The following CHCHD6 variants were observed in gnomAD, a reference collection of about 807,000 sequenced individuals.
The protein encoded by CHCHD6 is coiled-coil-helix-coiled-coil-helix domain containing 6.
A neutral mutation model predicts 32.3 loss-of-function variants in CHCHD6; 28 were observed. The ratio of observed to expected loss-of-function variants is 0.87; its 90% confidence interval spans 0.64 to 1.19. The LOEUF (loss-of-function observed/expected upper bound fraction) is 1.19, where lower values mean the gene tolerates loss of function less well. CHCHD6 is among the 50% of genes most tolerant of loss of function. CHCHD6 has a pLI of 0.00. For missense variants in CHCHD6, 333 were observed against 307.0 expected (o/e 1.08, Z -0.63); for synonymous variants, 122 against 117.5 (o/e 1.04, Z -0.25).
Position 126,728,474 on chromosome 3 carries a change from G to A in CHCHD6, c.196+1288G>A, listed in dbSNP as rs919178752. On this transcript the variant is annotated intron_variant, in intron 2 of 7. Transcript: ENST00000290913. ...CAGGAGCCAGTCAGCACCTGGATTT[G>A]GACCCACCCCAAGATCTTTCTGAAT... Among the ~76,000 whole-genome samples the A allele has an allele frequency of 2.0e-5, 3 of 152,258 alleles. 1 individual carries two copies.
chr3:126,941,610 C>T (rs910505476), intron 6 of CHCHD6, among the ~76,000 whole-genome samples: 2 of 152,082 alleles, frequency 1.3e-5, no homozygotes, highest in Non-Finnish European at 2.9e-5. Flanking sequence ...ATCAAATTGC[C>T]GTCACTGTTG....
intron 4 of CHCHD6, among the ~76,000 whole-genome samples, chr3:126,743,512 C>T (rs1005119108): frequency 1.3e-5 from 2 of 152,136 alleles, no homozygotes; most frequent in African/African-American, 4.8e-5. Context: ...TTCTAATTAG[C>T]AGATCGCATG....
intron 4 of CHCHD6, among the ~76,000 whole-genome samples, chr3:126,738,358 C>G (rs1041486269): frequency 1.3e-5 from 2 of 152,132 alleles, no homozygotes; most frequent in African/African-American, 4.8e-5. Flanking sequence ...GGAACCAATA[C>G]CCCGTGGCCG....
chr3:126,872,534 G>A (rs2077489807), intron 5 of CHCHD6, among the ~76,000 whole-genome samples: 1 of 152,182 alleles, frequency 6.6e-6, no homozygotes, highest in Admixed American at 6.5e-5. Flanking sequence ...TACATGGATG[G>A]TTTAAGGCCC....
At chr3:126,899,806 C>T (rs539422345) in intron 5 of CHCHD6, among the ~76,000 whole-genome samples, 1 of 152,344 alleles carries the variant, frequency 6.6e-6, no homozygotes, top group Admixed American at 6.5e-5. Flanking sequence ...TTAGCATGAA[C>T]CTTACCTGAA....
At chr3:126,761,444 G>A (rs1476445304) in intron 4 of CHCHD6, among the ~76,000 whole-genome samples, 1 of 152,084 alleles carries the variant, frequency 6.6e-6, no homozygotes, top group Non-Finnish European at 1.5e-5. Context: ...AATTACATCT[G>A]TAAAGAATGT....
chr3:126,947,433 G>T (rs988493214), intron 6 of CHCHD6, among the ~76,000 whole-genome samples: 1 of 152,224 alleles, frequency 6.6e-6, no homozygotes, highest in Non-Finnish European at 1.5e-5. Context: ...AGTACCCTTG[G>T]TTGTCTCTTT....
chr3:126,864,154 A>G (rs1051590927), intron 5 of CHCHD6, among the ~76,000 whole-genome samples: 2 of 107,242 alleles, frequency 1.9e-5, no homozygotes, highest in Non-Finnish European at 3.8e-5. Context: ...CATTACCATC[A>G]CCTTCTCCAC....
chr3:126,707,652 G>C (rs1366967022), intron 1 of CHCHD6, among the ~76,000 whole-genome samples: 2 of 152,136 alleles, frequency 1.3e-5, no homozygotes, highest in Non-Finnish European at 2.9e-5. Flanking sequence ...GCCCACCCCT[G>C]TTCCAGTCAC....
intron 4 of CHCHD6, among the ~76,000 whole-genome samples, chr3:126,844,988 T>C (rs1941244885): frequency 6.6e-6 from 1 of 152,186 alleles, no homozygotes; most frequent in Admixed American, 6.5e-5. Flanking sequence ...ACCCCCCTGA[T>C]AGGTACAGCC....
intron 4 of CHCHD6, among the ~76,000 whole-genome samples, chr3:126,839,764 G>A (rs565706525): frequency 6.6e-5 from 10 of 151,886 alleles, no homozygotes; most frequent in Admixed American, 2.0e-4. Context: ...AATATAATTC[G>A]TTTCTTTGGT....
At chr3:126,887,498 C>G (rs948211093) in intron 5 of CHCHD6, among the ~76,000 whole-genome samples, 5 of 152,070 alleles carry the variant, frequency 3.3e-5, no homozygotes, top group South Asian at 2.1e-4. Flanking sequence ...TGGCTTGGCT[C>G]TCATGCAGGA....
At chr3:126,833,841 G>C (rs1940739196) in intron 4 of CHCHD6, among the ~76,000 whole-genome samples, 2 of 151,982 alleles carry the variant, frequency 1.3e-5, no homozygotes, top group East Asian at 3.9e-4. Flanking sequence ...GGATCACGAG[G>C]TCAGGAGATC....
At chr3:126,929,247 G>A (rs2078368098) in intron 6 of CHCHD6, among the ~76,000 whole-genome samples, 1 of 152,192 alleles carries the variant, frequency 6.6e-6, no homozygotes, top group Non-Finnish European at 1.5e-5. Flanking sequence ...ATTGGGCTCT[G>A]GGGAGCCAGA....
intron 5 of CHCHD6, among the ~76,000 whole-genome samples, chr3:126,913,208 T>C (rs1021108142): frequency 4.0e-4 from 4 of 9,932 alleles, no homozygotes; most frequent in East Asian, 3.2e-3. Context: ...CGTATGAGCC[T>C]TTTTTTTTTT....
chr3:126,812,691 C>G (rs991517627), intron 4 of CHCHD6, among the ~76,000 whole-genome samples: 1 of 152,072 alleles, frequency 6.6e-6, no homozygotes, highest in African/African-American at 2.4e-5. Context: ...CTCAGCCTCC[C>G]ACAGTGCTGG....
intron 6 of CHCHD6, among the ~76,000 whole-genome samples, chr3:126,928,099 C>T (rs761138897): frequency 1.3e-5 from 2 of 152,224 alleles, no homozygotes; most frequent in Non-Finnish European, 2.9e-5. Context: ...AGTACTCAAC[C>T]CAGGGAGGCT....
intron 4 of CHCHD6, among the ~76,000 whole-genome samples, chr3:126,825,012 G>C (rs978577765): frequency 6.6e-6 from 1 of 152,092 alleles, no homozygotes; most frequent in African/African-American, 2.4e-5. Flanking sequence ...TGGGAACTTA[G>C]ATTGATTTTA....
chr3:126,825,363 C>G (rs754849543), intron 4 of CHCHD6, among the ~76,000 whole-genome samples: 4 of 152,028 alleles, frequency 2.6e-5, no homozygotes, highest in Non-Finnish European at 5.9e-5. Flanking sequence ...TGTTCCATTG[C>G]GCTTGAAAGT....
Sources: gnomAD v4.1 joint callset for allele counts (sites outside exome capture counted in the v4.1 genomes callset) on GRCh38, gnomAD v4.1.1 for gene constraint, MANE v1.5 for transcripts, NCBI Gene and HGNC (gene_info 2026-07-23, HGNC 2026-07-21) for gene names.